Variants in PCDHGA3 observed in about 807,000 individuals in gnomAD.
PCDHGA3 encodes the protein protocadherin gamma subfamily A, 3.
A neutral mutation model predicts 58.5 loss-of-function variants in PCDHGA3; 40 were observed. The observed-to-expected ratio is 0.68, with a 90% CI of 0.53 to 0.89. PCDHGA3 has a LOEUF of 0.89. Ranked by LOEUF, PCDHGA3 falls within the 40% of genes least tolerant of loss-of-function variation. PCDHGA3 has a pLI of 0.00. For missense variants in PCDHGA3, 1,223 were observed against 1,195.9 expected (o/e 1.02, Z -0.33); for synonymous variants, 530 against 525.7 (o/e 1.01, Z -0.11).
intron 1 of PCDHGA3, among the ~76,000 whole-genome samples, chr5:141,484,092 G>A (rs1594371151): frequency 6.6e-6 from 1 of 152,102 alleles, no homozygotes; most frequent in African/African-American, 2.4e-5. Flanking sequence ...AATGGTCTTC[G>A]TTGGTAATTA....
intron 1 of PCDHGA3, chr5:141,484,949 A>G: frequency 1.8e-6 from 1 of 557,402 alleles, no homozygotes; most frequent in East Asian, 3.1e-5. Flanking sequence ...TGCTCAGCCT[A>G]TTGGCTGAGC....
rs1219686789 is a variant in PCDHGA3, at chr5:141,346,206, C to T, written c.2173C>T (p.Leu725=). 6.2e-7 allele frequency: 1 copy of T among 1,614,156 alleles called. No homozygotes were observed. Among genetic ancestry groups the T allele is most frequent in the South Asian group, 1.1e-5 (1 of 91,084 alleles). Residue 725 remains leucine, a synonymous_variant, in exon 1 of 4, where the codon CTG becomes TTG. Coordinates refer to ENST00000253812, the MANE Select transcript of PCDHGA3 (RefSeq NM_018916.4). The part of the protein sequence containing the change: ...RLRRWHKSRL[L]QASGGGLAST... ...GCGGCGCTGGCACAAGTCACGCCTG[C>T]TGCAGGCTTCGGGAGGCGGCTTGGC...
intron 1 of PCDHGA3, chr5:141,400,587 C>T: frequency 6.2e-7 from 1 of 1,606,696 alleles, no homozygotes; most frequent in South Asian, 1.1e-5. Flanking sequence ...TTACATGAAA[C>T]TATCGTACAT....
rs1399077321 is a variant in PCDHGA3, at chr5:141,474,090, AAAC to A, written c.2425-20708_2425-20706del. Among the ~76,000 whole-genome samples the A allele has an allele frequency of 2.6e-5, 4 of 152,206 alleles. No individual in the cohort carries two copies. In the East Asian group the frequency reaches 5.8e-4, roughly 22 times the overall value. On this transcript the variant is annotated intron_variant, in intron 1 of 3. Coordinates refer to ENST00000253812, the MANE Select transcript of PCDHGA3 (RefSeq NM_018916.4). ...GCCTCAGAAACAAAAACCAAAAAAC[AAAC>A]AACAACAAAAACAACAACAACGAAA...
At chr5:141,415,081 C>T in intron 1 of PCDHGA3, 1 of 1,613,522 alleles carries the variant, frequency 6.2e-7, no homozygotes, top group Non-Finnish European at 8.5e-7. Context: ...GGCGCGAGCC[C>T]TGCTGGACAG....
chr5:141,419,203 C>T (rs201698529), intron 1 of PCDHGA3: 140 of 1,613,988 alleles, frequency 8.7e-5, no homozygotes, highest in Non-Finnish European at 1.2e-4. Flanking sequence ...TCAATGACAA[C>T]GCGCCGGTTT....
rs570673080 is a variant in PCDHGA3 at position 141,360,152 on chromosome 5, G to A, written c.2424+13695G>A. ...AGCCAGAAGATGAAAGCGAGCTCAGGGAGGTGCGGGCTGGTGCGGTGGCTG... is the reference window on the plus strand; with the variant it reads ...AGCCAGAAGATGAAAGCGAGCTCAGAGAGGTGCGGGCTGGTGCGGTGGCTG... On this transcript the variant is annotated intron_variant, in intron 1 of 3. Coordinates refer to ENST00000253812, the MANE Select transcript of PCDHGA3 (RefSeq NM_018916.4). 6.9e-6 allele frequency: 11 copies of A among 1,603,472 alleles called. No homozygotes were observed. In the Admixed American group the frequency reaches 1.9e-4, roughly 27 times the overall value.
At chr5:141,394,611 C>A (rs774009952) in intron 1 of PCDHGA3, 1 of 1,613,420 alleles carries the variant, frequency 6.2e-7, no homozygotes, top group Non-Finnish European at 8.5e-7. Flanking sequence ...AGACTCGGGC[C>A]AGAACGCCTG....
chr5:141,476,837 G>A lies in PCDHGA3; in HGVS notation c.2425-17970G>A, dbSNP rs1160244271. 4 of 1,613,534 alleles carry A rather than the reference G, an allele frequency of 2.5e-6. No individual in the cohort carries two copies. The highest frequency in any genetic ancestry group is 3.4e-6 in the Non-Finnish European group (4 of 1,180,054). On this transcript the variant is annotated intron_variant, in intron 1 of 3. Coordinates refer to ENST00000253812, the MANE Select transcript of PCDHGA3 (RefSeq NM_018916.4). The surrounding 1 kb of genome is among the most constrained non-coding windows in gnomAD (Gnocchi z 7.6). Reference sequence around the variant, plus strand: ...CAAGGTGCTGGACGCGAATGACAATGCGCCTGTCTTCAACCAGTCCTTGTA... The same window carrying A: ...CAAGGTGCTGGACGCGAATGACAATACGCCTGTCTTCAACCAGTCCTTGTA...
chr5:141,371,971 G>T lies in PCDHGA3; in HGVS notation c.2424+25514G>T, dbSNP rs372239619. 1.2e-6 allele frequency: 2 copies of T among 1,612,320 alleles called. No individual in the cohort carries two copies. The highest frequency in any genetic ancestry group is 3.3e-5 in the Admixed American group (2 of 59,994). The stretch of plus-strand genomic sequence containing the variant: ...CGAGCCTTCGACCACGAGCAGCTGC[G>T]TGCCTTCGAGCTCACTCTGCAGGCC... On this transcript the variant is annotated intron_variant, in intron 1 of 3. Transcript: ENST00000253812.
At chr5:141,420,254 G>C (rs186977117) in intron 1 of PCDHGA3, 3 of 1,569,172 alleles carry the variant, frequency 1.9e-6, no homozygotes, top group Admixed American at 3.8e-5. Context: ...CGTTGAAGCA[G>C]ATAAGAAGAT....
At chr5:141,371,418 G>T in intron 1 of PCDHGA3, 1 of 1,614,006 alleles carries the variant, frequency 6.2e-7, no homozygotes. Flanking sequence ...AGATGAAAAT[G>T]ACAATGCCCC....
chr5:141,395,556 G>A (rs1041230837), intron 1 of PCDHGA3: 1 of 97,434 alleles, frequency 1.0e-5, no homozygotes, highest in East Asian at 1.8e-4. Context: ...GTGTGTGTGT[G>A]TGTGTGTGTG....
At position 141,490,376 on chromosome 5, in the gene PCDHGA3, CA is replaced by C; in HGVS notation, c.2425-4430del. 1 of 1,614,184 alleles carries C rather than the reference CA, an allele frequency of 6.2e-7. No individual in the cohort carries two copies. Among genetic ancestry groups the C allele is most frequent in the African/African-American group, 1.3e-5 (1 of 75,030 alleles). On this transcript the variant is annotated intron_variant, in intron 1 of 3. Coordinates refer to ENST00000253812, the MANE Select transcript of PCDHGA3 (RefSeq NM_018916.4). This position sits in a 1 kb window ranked among gnomAD's most constrained non-coding sequence, Gnocchi z 5.4. ...TTGTTTAATGTGCGAGACCGGGACTCAGGTAGAAATGGTGAAGTGAGCCTTG... is the reference window on the plus strand; with the variant it reads ...TTGTTTAATGTGCGAGACCGGGACTCGGTAGAAATGGTGAAGTGAGCCTTG...
intron 1 of PCDHGA3, chr5:141,430,441 C>A (rs1168234012): frequency 5.2e-6 from 1 of 192,346 alleles, no homozygotes; most frequent in Non-Finnish European, 1.0e-5. Flanking sequence ...GATTTCCATC[C>A]CCTTTTGAAG....
intron 2 of PCDHGA3, among the ~76,000 whole-genome samples, chr5:141,500,138 ACTTTT>A: frequency 6.6e-6 from 1 of 150,560 alleles, no homozygotes; most frequent in Middle Eastern, 3.2e-3. Flanking sequence ...ATCTTTCTAA[ACTTTT>A]CTTTGTGTAA....
chr5:141,387,742 C>T, intron 1 of PCDHGA3: 5 of 1,340,938 alleles, frequency 3.7e-6, no homozygotes, highest in Non-Finnish European at 5.0e-6. Context: ...CTTTACACCG[C>T]TTCCTCCTCG....
At chr5:141,360,478 A>G in intron 1 of PCDHGA3, 1 of 1,613,910 alleles carries the variant, frequency 6.2e-7, no homozygotes, top group Non-Finnish European at 8.5e-7. Flanking sequence ...AAATCCACTA[A>G]ATATTTTCTA....
At position 141,490,551 on chromosome 5, in the gene PCDHGA3, T is replaced by A; in HGVS notation, c.2425-4256T>A. On this transcript the variant is annotated intron_variant, in intron 1 of 3. Coordinates refer to ENST00000253812, the MANE Select transcript of PCDHGA3 (RefSeq NM_018916.4). This position sits in a 1 kb window ranked among gnomAD's most constrained non-coding sequence, Gnocchi z 5.4. ...CTGGTTCACCTTCCCTACACAAACA[T>A]CTCACCATCAGGCTCAACATTTCAG... is the stretch of plus-strand genomic sequence containing the variant. 1 of 1,614,088 alleles carries A rather than the reference T, an allele frequency of 6.2e-7. No individual in the cohort carries two copies. Among genetic ancestry groups the A allele is most frequent in the East Asian group, 2.2e-5 (1 of 44,874 alleles).
Sources: allele counts gnomAD v4.1 joint callset (sites outside exome capture counted in the v4.1 genomes callset), GRCh38; gene constraint gnomAD v4.1.1; non-coding constraint Gnocchi (gnomAD v3.1); transcripts MANE v1.5; gene names NCBI Gene and HGNC (gene_info 2026-07-23, HGNC 2026-07-21).